MAGI1: variants seen among roughly 807,000 people sequenced by gnomAD.
MAGI1 encodes the protein membrane-associated guanylate kinase, WW and PDZ domain-containing protein 1.
In MAGI1, 58 loss-of-function variants were observed where a neutral mutation model predicts 139.9. The observed-to-expected ratio is 0.41, with a 90% CI of 0.34 to 0.52. The LOEUF is 0.52. Among genes scored for constraint, MAGI1 ranks in the 20% least tolerant of loss-of-function variants. The pLI is 0.12. For synonymous variants in MAGI1, 812 were observed against 737.9 expected (o/e 1.10, Z -1.63); for missense variants, 1,874 against 1,901.6 (o/e 0.99, Z 0.27).
At position 65,440,023 on chromosome 3, in the gene MAGI1, T is replaced by A. The variant is rs975689247; in HGVS notation, c.1137-11A>T. On this transcript the variant is annotated splice_polypyrimidine_tract_variant and intron_variant, in intron 8 of 22. Transcript: ENST00000402939. ...TTCCTGTTGATGTGGCTGGGGAAGA[T>A]AGCAAATAGTATTCAGCTTGAAACA... 1.2e-6 allele frequency: 2 copies of A among 1,613,848 alleles called. No individual in the cohort carries two copies. The highest frequency in any genetic ancestry group is 3.3e-5 in the Admixed American group (2 of 59,962).
At chr3:65,860,313 G>A (rs2059512428) in intron 1 of MAGI1, among the ~76,000 whole-genome samples, 1 of 152,170 alleles carries the variant, frequency 6.6e-6, no homozygotes, top group African/African-American at 2.4e-5. Flanking sequence ...TCAGATTTAT[G>A]AATCGCAAAT....
At chr3:65,717,174 A>G (rs1005573397) in intron 1 of MAGI1, among the ~76,000 whole-genome samples, 1 of 152,238 alleles carries the variant, frequency 6.6e-6, no homozygotes, top group African/African-American at 2.4e-5. Flanking sequence ...CATCTAAAAG[A>G]CAGTGAAAGA....
intron 1 of MAGI1, among the ~76,000 whole-genome samples, chr3:65,759,065 CAAAAAAAAAAAAAA>C (rs200497203): frequency 3.3e-3 from 238 of 73,088 alleles, no homozygotes; most frequent in African/African-American, 0.011. Context: ...AGGCCCAGTG[CAAAAAAAAAAAAAA>C]AAAAAAAAAA....
chr3:65,502,662 C>G (rs1044529749), intron 2 of MAGI1, among the ~76,000 whole-genome samples: 1 of 152,188 alleles, frequency 6.6e-6, no homozygotes, highest in Non-Finnish European at 1.5e-5. Context: ...GAAATGAAAG[C>G]CCTTCCCCTT....
At position 65,391,194 on chromosome 3, in the gene MAGI1, T is replaced by A; in HGVS notation, c.2364A>T (p.Lys788Asn). The A allele has an allele frequency of 1.2e-6, 2 of 1,614,006 alleles. No homozygotes were observed. The highest frequency in any genetic ancestry group is 2.2e-5 in the South Asian group (2 of 91,060). ...GGGCCCAGATTTTAAAAGGATCTGG[T>A]TTTTTCTGGCCAGAGCTGTCAGTTT... ...PDQTDSSGQK[K>N]PDPFKIWAQS... Residue 788 changes from lysine (K) to asparagine (N), a missense_variant, in exon 14 of 23, where the codon AAA becomes AAT. Physicochemically the swap from Lys to Asn is moderately conservative, Grantham distance 94. Coordinates refer to ENST00000402939, the MANE Select transcript of MAGI1 (RefSeq NM_001033057.2).
intron 1 of MAGI1, among the ~76,000 whole-genome samples, chr3:65,662,500 G>A (rs568476043): frequency 6.6e-6 from 1 of 152,362 alleles, no homozygotes; most frequent in Non-Finnish European, 1.5e-5. Context: ...TGGGACAGGT[G>A]TGGTTTACCA....
intron 1 of MAGI1, among the ~76,000 whole-genome samples, chr3:65,806,930 T>C (rs1246130037): frequency 1.3e-5 from 2 of 152,212 alleles, no homozygotes; most frequent in African/African-American, 4.8e-5. Flanking sequence ...ACTGATGACA[T>C]AGTTGATGAT....
intron 21 of MAGI1, among the ~76,000 whole-genome samples, chr3:65,362,048 G>A (rs1235256153): frequency 6.6e-6 from 1 of 152,170 alleles, no homozygotes; most frequent in Non-Finnish European, 1.5e-5. Flanking sequence ...CACTCAAATA[G>A]AGCTTATATT....
At chr3:65,660,487 G>A (rs2086132098) in intron 1 of MAGI1, among the ~76,000 whole-genome samples, 2 of 152,214 alleles carry the variant, frequency 1.3e-5, no homozygotes, top group South Asian at 4.1e-4. Flanking sequence ...CATGGACATT[G>A]ATTAGTCTTC....
chr3:65,919,300 G>A (rs2062055626), intron 1 of MAGI1, among the ~76,000 whole-genome samples: 2 of 152,142 alleles, frequency 1.3e-5, no homozygotes, highest in South Asian at 2.1e-4. Context: ...AATGGCTCAT[G>A]CCTGTAAATT....
intron 10 of MAGI1, 132 bp from the exon 11 acceptor site, chr3:65,431,013 AAAGTCCTCTCTTAATT>A (rs1237739936): frequency 3.7e-6 from 3 of 811,818 alleles, no homozygotes; most frequent in African/African-American, 3.5e-5. Flanking sequence ...GCATCTTAAG[AAAGTCCTCTCTTAATT>A]TGAGGAATAA....
In MAGI1 at chr3:65,943,203, G is replaced by A. The variant is rs150059202; in HGVS notation, c.313+94793C>T. On this transcript the variant is annotated intron_variant, in intron 1 of 22. Transcript: ENST00000402939. The stretch of plus-strand genomic sequence containing the variant: ...TTTTGTTTTGTTCTGTGTTTCTTTT[G>A]CTGGGAGAAGATGGAGAAACATTCT... Among the ~76,000 whole-genome samples the A allele has an allele frequency of 7.6e-3, 1,158 of 152,168 alleles. 10 individuals are homozygous for A. Among genetic ancestry groups the A allele is most frequent in the East Asian group, 0.042 (217 of 5,176 alleles).
intron 1 of MAGI1, among the ~76,000 whole-genome samples, chr3:65,735,323 T>C (rs945006548): frequency 6.6e-6 from 1 of 150,676 alleles, no homozygotes; most frequent in Non-Finnish European, 1.5e-5. Flanking sequence ...ATTTTAAAAG[T>C]GGATAAAGCC....
At chr3:65,754,947 T>G (rs2036442815) in intron 1 of MAGI1, among the ~76,000 whole-genome samples, 1 of 150,988 alleles carries the variant, frequency 6.6e-6, no homozygotes, top group Non-Finnish European at 1.5e-5. Flanking sequence ...TATTTATTTA[T>G]TATTTTTTAA....
intron 1 of MAGI1, among the ~76,000 whole-genome samples, chr3:65,999,100 G>A (rs1259943803): frequency 6.6e-6 from 1 of 152,028 alleles, no homozygotes; most frequent in African/African-American, 2.4e-5. Flanking sequence ...CGGGGTACAT[G>A]TGCAGGATGT....
At chr3:65,497,800 C>T (rs1486220235) in intron 2 of MAGI1, among the ~76,000 whole-genome samples, 1 of 152,138 alleles carries the variant, frequency 6.6e-6, no homozygotes, top group African/African-American at 2.4e-5. Flanking sequence ...AAAAATGCTA[C>T]ATTTCAGCAG....
At chr3:65,448,697 T>TACACAC (rs10591133) in intron 6 of MAGI1, among the ~76,000 whole-genome samples, 20 of 149,834 alleles carry the variant, frequency 1.3e-4, no homozygotes, top group African/African-American at 4.9e-4. Flanking sequence ...AGAAAACACA[T>TACACAC]ACACACACAC....
At chr3:65,908,580 G>A (rs1014141509) in intron 1 of MAGI1, among the ~76,000 whole-genome samples, 5 of 152,044 alleles carry the variant, frequency 3.3e-5, no homozygotes, top group African/African-American at 7.2e-5. Context: ...CACTGCACCC[G>A]GCCAATCCTT....
chr3:65,433,111 C>T lies in MAGI1; in HGVS notation c.1364-2230G>A, dbSNP rs553600585. ...TGTTAGCTCCATGAGGATTTTTATA[C>T]GTATATCAAGTATCTAGAATATTGT... On this transcript the variant is annotated intron_variant, in intron 10 of 22. Transcript: ENST00000402939. 1.2e-4 allele frequency among the ~76,000 whole-genome samples: 18 copies of T among 152,230 alleles called. No individual in the cohort carries two copies. The South Asian group carries it at 2.9e-3, about 25-fold the overall frequency.
Sources: gnomAD v4.1 joint callset for allele counts (sites outside exome capture counted in the v4.1 genomes callset) on GRCh38, gnomAD v4.1.1 for gene constraint, MANE v1.5 for transcripts, NCBI Gene and HGNC (gene_info 2026-07-23, HGNC 2026-07-21) for gene names.